Variants in TMTC2 observed in about 807,000 individuals in gnomAD.
TMTC2 encodes protein O-mannosyl-transferase TMTC2.
Under a neutral mutation model 82.4 loss-of-function variants are expected in TMTC2, and 43 were observed. The ratio of observed to expected loss-of-function variants is 0.52; its 90% CI spans 0.41 to 0.67. The LOEUF (loss-of-function observed/expected upper bound fraction) is 0.67. TMTC2 is among the 30% of genes least tolerant of loss of function. TMTC2 has a pLI of 0.00. For missense variants in TMTC2, 919 were observed against 1,012.4 expected (o/e 0.91, Z 1.25); for synonymous variants, 408 against 381.9 (o/e 1.07, Z -0.80).
chr12:82,783,560 A>C (rs1288823729), intron 1 of TMTC2, among the ~76,000 whole-genome samples: 2 of 152,034 alleles, frequency 1.3e-5, no homozygotes, highest in Non-Finnish European at 2.9e-5. Context: ...TTTATGCCTA[A>C]ATTCACATTC....
chr12:82,873,074 T>C lies in TMTC2; in HGVS notation c.654+15494T>C, dbSNP rs574063039. Reference sequence around the variant, plus strand: ...CTTTTATTGAGATGTAATTCACATATCATAAAATTGACTCATTTAAAGAAT... The same window carrying C: ...CTTTTATTGAGATGTAATTCACATACCATAAAATTGACTCATTTAAAGAAT... On this transcript the variant is annotated intron_variant, in intron 2 of 11. Coordinates refer to ENST00000321196, the MANE Select transcript of TMTC2 (RefSeq NM_152588.3). 4.2e-4 allele frequency among the ~76,000 whole-genome samples: 64 copies of C among 152,308 alleles called. 1 individual carries two copies. The South Asian group carries it at 0.011, about 27-fold the overall frequency.
intron 2 of TMTC2, among the ~76,000 whole-genome samples, chr12:82,889,500 A>G (rs1353523723): frequency 6.6e-6 from 1 of 152,062 alleles, no homozygotes; most frequent in East Asian, 1.9e-4. Flanking sequence ...TCTGTTATTC[A>G]TGTACTCATC....
chr12:82,710,374 T>A lies in TMTC2; in HGVS notation c.83+22705T>A, dbSNP rs184231337. Among the ~76,000 whole-genome samples the A allele has an allele frequency of 1.1e-4, 17 of 152,332 alleles. No individual in the cohort carries two copies. The East Asian group carries it at 2.7e-3, about 24-fold the overall frequency. On this transcript the variant is annotated intron_variant, in intron 1 of 11. Coordinates refer to ENST00000321196, the MANE Select transcript of TMTC2 (RefSeq NM_152588.3). The stretch of plus-strand genomic sequence containing the variant: ...TGTTTTCTCCAACAAATATTTAAGC[T>A]ATATTGCCACCTCCATTTTAGTTGT...
chr12:83,048,932 G>C (rs1336403483), intron 9 of TMTC2, among the ~76,000 whole-genome samples: 1 of 152,204 alleles, frequency 6.6e-6, no homozygotes, highest in Admixed American at 6.5e-5. Context: ...GCCTCCCAAA[G>C]TGCTGGGATT....
At chr12:82,838,374 A>C (rs1336175230) in intron 1 of TMTC2, among the ~76,000 whole-genome samples, 1 of 152,244 alleles carries the variant, frequency 6.6e-6, no homozygotes, top group Non-Finnish European at 1.5e-5. Flanking sequence ...TAATGAAGAT[A>C]ATGAAACTCT....
At chr12:82,914,972 T>G (rs1263875301) in intron 3 of TMTC2, among the ~76,000 whole-genome samples, 1 of 151,850 alleles carries the variant, frequency 6.6e-6, no homozygotes, top group Non-Finnish European at 1.5e-5. Context: ...ATTACAGGCA[T>G]GCACCACCAC....
intron 1 of TMTC2, among the ~76,000 whole-genome samples, chr12:82,822,955 G>T (rs1431267983): frequency 1.3e-5 from 2 of 152,134 alleles, no homozygotes; most frequent in Non-Finnish European, 2.9e-5. Context: ...AGGTATGGGA[G>T]AAAATGATAG....
chr12:82,860,445 A>G (rs1213307150), intron 2 of TMTC2, among the ~76,000 whole-genome samples: 1 of 152,212 alleles, frequency 6.6e-6, no homozygotes, highest in Non-Finnish European at 1.5e-5. Flanking sequence ...TGATAGTTTG[A>G]GGAACAAATA....
rs772607761 is a variant in TMTC2, at chr12:82,722,566, CA to C, written c.83+34923del. Reference sequence around the variant, plus strand: ...TGGGCCACAGAGTGAGACTCCATCTCAAAAAAAAAAAAAAAAAAAAAAAAAA... The same window carrying C: ...TGGGCCACAGAGTGAGACTCCATCTCAAAAAAAAAAAAAAAAAAAAAAAAA... On this transcript the variant is annotated intron_variant, in intron 1 of 11. Coordinates refer to ENST00000321196, the MANE Select transcript of TMTC2 (RefSeq NM_152588.3). Among the ~76,000 whole-genome samples the C allele has an allele frequency of 3.1e-3, 139 of 44,374 alleles. 1 individual carries two copies. The highest frequency in any genetic ancestry group is 0.016 in the South Asian group (10 of 644). The allele number at this position is 44,374 out of a possible 152,430, so 29.1% of individuals were successfully genotyped here.
At chr12:82,804,531 G>A (rs928048569) in intron 1 of TMTC2, among the ~76,000 whole-genome samples, 3 of 152,036 alleles carry the variant, frequency 2.0e-5, no homozygotes, top group South Asian at 2.1e-4. Flanking sequence ...AACAAAGGGC[G>A]GGCTTTGCAA....
chr12:82,821,219 A>G (rs1218259186), intron 1 of TMTC2, among the ~76,000 whole-genome samples: 3 of 152,110 alleles, frequency 2.0e-5, no homozygotes, highest in Non-Finnish European at 4.4e-5. Flanking sequence ...GATCCTTTTT[A>G]CTAGTCTGTT....
intron 4 of TMTC2, among the ~76,000 whole-genome samples, chr12:82,943,867 C>T (rs1382230935): frequency 6.6e-6 from 1 of 152,132 alleles, no homozygotes; most frequent in African/African-American, 2.4e-5. Context: ...TCTCAAGTAA[C>T]TTGAAGTCTG....
intron 8 of TMTC2, among the ~76,000 whole-genome samples, chr12:83,018,485 A>G (rs1880775469): frequency 6.6e-6 from 1 of 152,226 alleles, no homozygotes; most frequent in East Asian, 1.9e-4. Flanking sequence ...TTACAGCTGA[A>G]TGGTTGGAGT....
intron 11 of TMTC2, among the ~76,000 whole-genome samples, chr12:83,128,263 C>G (rs148154191): frequency 6.6e-6 from 1 of 152,178 alleles, no homozygotes; most frequent in East Asian, 1.9e-4. Context: ...CAGCCAGTTA[C>G]CTGAAATTTT....
At chr12:82,708,195 G>A (rs1215252927) in intron 1 of TMTC2, among the ~76,000 whole-genome samples, 1 of 152,124 alleles carries the variant, frequency 6.6e-6, no homozygotes, top group Non-Finnish European at 1.5e-5. Flanking sequence ...AACCGAAAAA[G>A]TTTGCCAACC....
chr12:82,863,605 G>A (rs531018073), intron 2 of TMTC2, among the ~76,000 whole-genome samples: 4 of 152,264 alleles, frequency 2.6e-5, no homozygotes, highest in African/African-American at 9.6e-5. Context: ...GCTGATTTAA[G>A]GTGATTCTGT....
At chr12:82,701,307 T>A (rs1409139376) in intron 1 of TMTC2, among the ~76,000 whole-genome samples, 2 of 152,182 alleles carry the variant, frequency 1.3e-5, no homozygotes, top group Non-Finnish European at 2.9e-5. Context: ...AGGAATACTT[T>A]TATGTACTGT....
intron 1 of TMTC2, among the ~76,000 whole-genome samples, chr12:82,760,525 C>T (rs2470886): frequency 1.8e-4 from 26 of 144,780 alleles, no homozygotes; most frequent in African/African-American, 6.7e-4. Context: ...TAGTTAGAAG[C>T]TAAGCATTTC....
chr12:83,128,495 C>G (rs1885161925), intron 11 of TMTC2, among the ~76,000 whole-genome samples: 1 of 151,938 alleles, frequency 6.6e-6, no homozygotes, highest in African/African-American at 2.4e-5. Context: ...GATAGGTGTT[C>G]TATCCTCCGA....
Sources: allele counts gnomAD v4.1 joint callset (sites outside exome capture counted in the v4.1 genomes callset), GRCh38; gene constraint gnomAD v4.1.1; transcripts MANE v1.5; gene names NCBI Gene and HGNC (gene_info 2026-07-23, HGNC 2026-07-21).